Variants in APBB2 observed in about 807,000 individuals in gnomAD.
APBB2 encodes amyloid beta precursor protein binding family B member 2, also known as Fe65-like 1.
A neutral mutation model predicts 82.5 loss-of-function variants in APBB2; 38 were observed. That is an observed-to-expected ratio of 0.46 (90% CI 0.36 to 0.60). The LOEUF is 0.60. Among genes scored for constraint, APBB2 ranks in the 20% least tolerant of loss-of-function variants. The pLI is 0.00. For synonymous variants in APBB2, 341 were observed against 368.2 expected (o/e 0.93, Z 0.85); for missense variants, 772 against 972.3 (o/e 0.79, Z 2.74).
At position 40,822,021 on chromosome 4, in the gene APBB2, A is replaced by C; in HGVS notation, c.1962T>G (p.Arg654=). The C allele has an allele frequency of 6.2e-7, 1 of 1,614,214 alleles. No homozygotes were observed. Among genetic ancestry groups the C allele is most frequent in the Non-Finnish European group, 8.5e-7 (1 of 1,180,046 alleles). The change falls in exon 17 of 18, where the codon CGT becomes CGG. Residue 654 remains arginine (R), a synonymous_variant. Coordinates refer to ENST00000508593, the MANE Select transcript of APBB2 (RefSeq NM_004307.2). Reference sequence around the variant, plus strand: ...CACCCATGAAGGACAGGAATCGCACACGACATTCCACTAAGACTTCCTCTT... The same window carrying C: ...CACCCATGAAGGACAGGAATCGCACCCGACATTCCACTAAGACTTCCTCTT... ...KNEEEVLVEC[R]VRFLSFMGVG...
chr4:40,974,185 G>A (rs1796616187), intron 6 of APBB2, among the ~76,000 whole-genome samples: 2 of 151,794 alleles, frequency 1.3e-5, no homozygotes, highest in Non-Finnish European at 2.9e-5. Flanking sequence ...ACTAAATATT[G>A]GATTAGGACC....
intron 6 of APBB2, among the ~76,000 whole-genome samples, chr4:40,991,460 A>G (rs1329783604): frequency 6.6e-6 from 1 of 151,876 alleles, no homozygotes; most frequent in East Asian, 1.9e-4. Context: ...CTTTCAAAAC[A>G]CTTTAGATGA....
At chr4:41,208,629 A>G (rs1778561180) in intron 1 of APBB2, among the ~76,000 whole-genome samples, 2 of 152,254 alleles carry the variant, frequency 1.3e-5, no homozygotes, top group Non-Finnish European at 2.9e-5. Flanking sequence ...TTCCTGAAGC[A>G]TACTTGCCAA....
In APBB2 at chr4:40,994,486, T is replaced by C. The variant is rs529014918; in HGVS notation, c.835+19097A>G. Among the ~76,000 whole-genome samples, 7 of 152,106 alleles carry C rather than the reference T, an allele frequency of 4.6e-5. No homozygotes were observed. The East Asian group carries it at 1.2e-3, about 25-fold the overall frequency. ...AGTGAGATAAGATGTCTCCCAAACA[T>C]AGTATGACTTATCTTTAACTCAGTA... is the stretch of plus-strand genomic sequence containing the variant. On this transcript the variant is annotated intron_variant, in intron 6 of 17. Transcript: ENST00000508593.
At chr4:41,058,159 A>C (rs1728494584) in intron 4 of APBB2, among the ~76,000 whole-genome samples, 1 of 152,174 alleles carries the variant, frequency 6.6e-6, no homozygotes, top group African/African-American at 2.4e-5. Flanking sequence ...AGGGCTTCTT[A>C]GTCCCACTCT....
At chr4:40,946,280 A>G (rs1788438617) in intron 6 of APBB2, among the ~76,000 whole-genome samples, 1 of 151,126 alleles carries the variant, frequency 6.6e-6, no homozygotes, top group Admixed American at 6.6e-5. Context: ...CAGATTGGAA[A>G]AGCCTCGGAA....
intron 4 of APBB2, among the ~76,000 whole-genome samples, chr4:41,035,704 T>G (rs557376733): frequency 6.6e-6 from 1 of 152,218 alleles, no homozygotes; most frequent in Non-Finnish European, 1.5e-5. Context: ...TCTACATCCA[T>G]GCATTCAACC....
At position 41,159,898 on chromosome 4, in the gene APBB2, A is replaced by AAGAAGGAGAAGG. The variant is rs774287403; in HGVS notation, c.-416-16768_-416-16757dup. 2.4e-4 allele frequency among the ~76,000 whole-genome samples: 18 copies of AAGAAGGAGAAGG among 76,056 alleles called. 1 individual carries two copies. Among genetic ancestry groups the AAGAAGGAGAAGG allele is most frequent in the Middle Eastern group, 6.4e-3 (1 of 156 alleles). The allele number at this position is 76,056 out of a possible 152,430, so 49.9% of individuals were successfully genotyped here. On this transcript the variant is annotated intron_variant, in intron 1 of 17. Coordinates refer to ENST00000508593, the MANE Select transcript of APBB2 (RefSeq NM_004307.2). ...TAAGGGCAAAAAAAAAAAAAGGAAGAAGAAGGAGAAGGAGGAGGAGGAGGA... is the reference window on the plus strand; with the variant it reads ...TAAGGGCAAAAAAAAAAAAAGGAAGAAGAAGGAGAAGGAGAAGGAGAAGGAGGAGGAGGAGGA...
chr4:40,875,740 G>A (rs921546425), intron 12 of APBB2, among the ~76,000 whole-genome samples: 3 of 152,118 alleles, frequency 2.0e-5, no homozygotes, highest in African/African-American at 7.2e-5. Context: ...CAGACTCTGG[G>A]AGAGTAGTTG....
intron 3 of APBB2, among the ~76,000 whole-genome samples, chr4:41,079,822 C>T (rs1469099145): frequency 1.3e-5 from 2 of 152,156 alleles, no homozygotes; most frequent in Non-Finnish European, 2.9e-5. Flanking sequence ...GCTGGGATTA[C>T]AGGCGTAAAC....
At chr4:41,095,341 C>A (rs771068136) in intron 3 of APBB2, among the ~76,000 whole-genome samples, 1 of 152,218 alleles carries the variant, frequency 6.6e-6, no homozygotes, top group Non-Finnish European at 1.5e-5. Context: ...AGCCTGCAGT[C>A]CCAGATCTAT....
At chr4:41,122,217 C>T (rs1473578544) in intron 2 of APBB2, among the ~76,000 whole-genome samples, 3 of 152,172 alleles carry the variant, frequency 2.0e-5, no homozygotes, top group African/African-American at 7.2e-5. Context: ...TGAGCCACCA[C>T]ACCTGCTTGT....
At chr4:41,178,409 G>A (rs1282952557) in intron 1 of APBB2, among the ~76,000 whole-genome samples, 1 of 151,968 alleles carries the variant, frequency 6.6e-6, no homozygotes, top group Non-Finnish European at 1.5e-5. Context: ...TGGAGCCTCC[G>A]GTACCCTGTA....
chr4:41,183,644 G>A (rs1772045209), intron 1 of APBB2, among the ~76,000 whole-genome samples: 1 of 151,852 alleles, frequency 6.6e-6, no homozygotes, highest in Non-Finnish European at 1.5e-5. Flanking sequence ...CTAGGAGAGA[G>A]GGATGGAACA....
At chr4:41,005,397 G>GT (rs140092835) in intron 6 of APBB2, among the ~76,000 whole-genome samples, 22,264 of 149,664 alleles carry the variant, frequency 0.15, 1,712 homozygotes, top group Middle Eastern at 0.22. Context: ...CAACTTAAGG[G>GT]TTTTTTTTTT....
chr4:41,214,225 G>A (rs775580901), intron 1 of APBB2, among the ~76,000 whole-genome samples, 180 bp downstream of exon 1: 2 of 152,180 alleles, frequency 1.3e-5, no homozygotes, highest in Non-Finnish European at 2.9e-5. Context: ...TGCTGCAGGT[G>A]TGGCTGCGGC....
In APBB2 at chr4:40,960,446, G is replaced by GTTTTTTT. The variant is rs371607683; in HGVS notation, c.836-15374_836-15373insAAAAAAA. Among the ~76,000 whole-genome samples, 38 of 120,544 alleles carry GTTTTTTT rather than the reference G, an allele frequency of 3.2e-4. 19 individuals carry two copies. The highest frequency in any genetic ancestry group is 3.3e-4 in the Non-Finnish European group (20 of 60,078). 79.1% of individuals were successfully genotyped at this position (120,544 alleles called of 152,430 possible). A position where few individuals can be genotyped will look rare whatever the true frequency, so the allele number is the denominator to read the frequency against. On this transcript the variant is annotated intron_variant, in intron 6 of 17. Coordinates refer to ENST00000508593, the MANE Select transcript of APBB2 (RefSeq NM_004307.2). ...CATCAAAAACAGAAATTTTTTTTCG[G>GTTTTTTT]GTTTTTTTTTTTTTTTTTTGAGACG...
chr4:41,173,715 C>T (rs1057355765), intron 1 of APBB2, among the ~76,000 whole-genome samples: 1 of 152,140 alleles, frequency 6.6e-6, no homozygotes, highest in Non-Finnish European at 1.5e-5. Flanking sequence ...GAGTAACATG[C>T]TGTACAGGTC....
chr4:41,126,027 C>A (rs748103506), intron 2 of APBB2, among the ~76,000 whole-genome samples: 6 of 152,086 alleles, frequency 3.9e-5, no homozygotes, highest in Non-Finnish European at 8.8e-5. Context: ...CGTTTCACAC[C>A]TTTAATTGGA....
Sources: gnomAD v4.1 joint callset for allele counts (sites outside exome capture counted in the v4.1 genomes callset) on GRCh38, gnomAD v4.1.1 for gene constraint, MANE v1.5 for transcripts, NCBI Gene and HGNC (gene_info 2026-07-23, HGNC 2026-07-21) for gene names.